The following GRID2IP variants were observed in gnomAD, a reference collection of about 807,000 sequenced individuals.
GRID2IP encodes the protein Grid2 interacting protein.
A neutral mutation model predicts 114.3 loss-of-function variants in GRID2IP; 78 were observed. The observed-to-expected ratio is 0.68, with a 90% CI of 0.57 to 0.82. The LOEUF (loss-of-function observed/expected upper bound fraction) is 0.82, where lower values mean the gene tolerates loss of function less well. Ranked by LOEUF, GRID2IP falls within the 40% of genes least tolerant of loss-of-function variation. The probability of loss-of-function intolerance (pLI) is 0.00; values close to 1 mark genes in which losing one functional copy is unlikely to be tolerated. For missense variants in GRID2IP, 1,727 were observed against 1,678.5 expected, an observed-to-expected ratio of 1.03 and a Z score of -0.51; for synonymous variants, 809 against 724.0, an observed-to-expected ratio of 1.12 and a Z score of -1.89.
chr7:6,537,454 C>T (rs989722245), intron 2 of GRID2IP, among the ~76,000 whole-genome samples: 4 of 143,662 alleles, frequency 2.8e-5, no homozygotes, highest in East Asian at 2.2e-4. Flanking sequence ...CTCAGCTCAC[C>T]GCAACCTCCC....
Position 6,516,113 on chromosome 7 carries a change from A to AAAT in GRID2IP, c.1269-1585_1269-1584insATT, listed in dbSNP as rs1562517279. Among the ~76,000 whole-genome samples the AAAT allele has an allele frequency of 2.1e-4, 22 of 106,260 alleles. No homozygotes were observed. Among genetic ancestry groups the AAAT allele is most frequent in the South Asian group, 3.5e-4 (1 of 2,874 alleles). 69.7% of individuals were successfully genotyped at this position (106,260 alleles called of 152,430 possible). A position where few individuals can be genotyped will look rare whatever the true frequency, so the allele number is the denominator to read the frequency against. Reference sequence around the variant, plus strand: ...CCCCGTCTCAAAATAATAATAATAAAAAATAAATAAATAAATAAATAAAAA... The same window carrying AAAT: ...CCCCGTCTCAAAATAATAATAATAAAAATAAATAAATAAATAAATAAATAAAAA... On this transcript the variant is annotated intron_variant, in intron 7 of 21. Coordinates refer to ENST00000457091, the MANE Select transcript of GRID2IP (RefSeq NM_001145118.2). The surrounding 1 kb of genome is among the most constrained non-coding windows in gnomAD (Gnocchi z 4.3).
chr7:6,521,352 C>A lies in GRID2IP; in HGVS notation c.1084+77G>T. The A allele has an allele frequency of 9.5e-7, 1 of 1,052,776 alleles. No homozygotes were observed. Among genetic ancestry groups the A allele is most frequent in the Non-Finnish European group, 1.4e-6 (1 of 724,830 alleles). The allele number at this position is 1,052,776 out of a possible 1,614,324, so 65.2% of individuals were successfully genotyped here. On this transcript the variant is annotated intron_variant, in intron 6 of 21. Coordinates refer to ENST00000457091, the MANE Select transcript of GRID2IP (RefSeq NM_001145118.2). The surrounding 1 kb of genome is among the most constrained non-coding windows in gnomAD (Gnocchi z 4.1). ...TTTAGGGGAAGAGCTGAGTCCTCCGCACTGTGACTCTCACATATAGCAGCC... is the reference window on the plus strand; with the variant it reads ...TTTAGGGGAAGAGCTGAGTCCTCCGAACTGTGACTCTCACATATAGCAGCC...
chr7:6,537,093 C>T (rs1015984682), intron 2 of GRID2IP, among the ~76,000 whole-genome samples: 2 of 151,994 alleles, frequency 1.3e-5, no homozygotes, highest in Non-Finnish European at 2.9e-5. Flanking sequence ...GAGGGAAACC[C>T]GGCGGGATCC....
rs751872917 is a variant in GRID2IP at position 6,520,691 on chromosome 7, C to T, written c.1155G>A (p.Leu385=). ...TCCCTTGGACCCGGATGCTGGACGG[C>T]AGGATCTCCGCCACCCACTGCAGGG... is the stretch of plus-strand genomic sequence containing the variant. ...LTSLQWVAEI[L]PSSIRVQGRT... is the part of the protein sequence containing the mutation. The change falls in exon 7 of 22, where the codon CTG becomes CTA. Residue 385 remains leucine, a synonymous_variant. Coordinates refer to ENST00000457091, the MANE Select transcript of GRID2IP (RefSeq NM_001145118.2). The surrounding 1 kb of genome is among the most constrained non-coding windows in gnomAD (Gnocchi z 4.6). 7.3e-5 allele frequency: 113 copies of T among 1,551,568 alleles called. No homozygotes were observed. Among genetic ancestry groups the T allele is most frequent in the Middle Eastern group, 3.3e-4 (2 of 6,014 alleles).
At chr7:6,531,793 A>G (rs769732240) in intron 2 of GRID2IP, among the ~76,000 whole-genome samples, 1 of 152,060 alleles carries the variant, frequency 6.6e-6, no homozygotes, top group Non-Finnish European at 1.5e-5. Flanking sequence ...AGGTGGAAGG[A>G]CTCCAAAGGT....
rs1562520502 is a variant in GRID2IP, at chr7:6,526,238, T to C, written c.905A>G (p.Glu302Gly). The change falls in exon 4 of 22, where the codon GAG (glutamate) becomes GGG (glycine). Residue 302 changes from glutamate (E) to glycine (G), a missense_variant. Transcript: ENST00000457091. This position sits in a 1 kb window ranked among gnomAD's most constrained non-coding sequence, Gnocchi z 7.6. ...CCACCCCTCACCAGGCAGGACAGAC[T>C]CGATCCAGACAGGCCCGTGGCCGCG... is the stretch of plus-strand genomic sequence containing the variant. ...TLRGHGPVWI[E>G]SVLPGSPADN... The C allele has an allele frequency of 6.4e-7, 1 of 1,551,796 alleles. No individual in the cohort carries two copies. Among genetic ancestry groups the C allele is most frequent in the Non-Finnish European group, 8.7e-7 (1 of 1,146,984 alleles).
chr7:6,531,390 T>C (rs1218011422), intron 2 of GRID2IP, among the ~76,000 whole-genome samples: 2 of 152,178 alleles, frequency 1.3e-5, no homozygotes, highest in African/African-American at 4.8e-5. Context: ...CTCTCCGTTA[T>C]TCCCTTCCCA....
chr7:6,503,783 G>T, intron 15 of GRID2IP, 96 bp from the exon 16 acceptor site: 1 of 886,554 alleles, frequency 1.1e-6, no homozygotes, highest in Non-Finnish European at 1.6e-6. Context: ...GGAGAGGGCG[G>T]ACACGGGGCG....
In GRID2IP at chr7:6,526,525, G is replaced by C. The variant is rs940292515; in HGVS notation, c.829C>G (p.Arg277Gly). The C allele has an allele frequency of 3.2e-6, 4 of 1,247,806 alleles. No individual in the cohort carries two copies. Among genetic ancestry groups the C allele is most frequent in the Non-Finnish European group, 4.0e-6 (4 of 996,838 alleles). 77.3% of individuals were successfully genotyped at this position (1,247,806 alleles called of 1,614,324 possible). A position where few individuals can be genotyped will look rare whatever the true frequency, so the allele number is the denominator to read the frequency against. Residue 277 changes from arginine to glycine, a missense_variant, in exon 3 of 22, where the codon CGC (arginine) becomes GGC (glycine). Coordinates refer to ENST00000457091, the MANE Select transcript of GRID2IP (RefSeq NM_001145118.2). The surrounding 1 kb of genome is among the most constrained non-coding windows in gnomAD (Gnocchi z 7.6). The stretch of plus-strand genomic sequence containing the variant: ...GTGCCTGTGAGCCCCGCGTACCTGC[G>C]CGCGCCCCCGGGGCCGGCGAGGCCG... ...VGGLAGPGGARRTVRVYKGNK... is the reference protein window; with the variant it reads ...VGGLAGPGGAGRTVRVYKGNK...
At position 6,526,873 on chromosome 7, in the gene GRID2IP, A is replaced by C; in HGVS notation, c.585-104T>G. The C allele has an allele frequency of 7.9e-7, 1 of 1,260,668 alleles. No homozygotes were observed. Among genetic ancestry groups the C allele is most frequent in the Non-Finnish European group, 1.0e-6 (1 of 974,272 alleles). 78.1% of individuals were successfully genotyped at this position (1,260,668 alleles called of 1,614,324 possible). ...CGCGGGCGCCGCCCTAGGCTCTCCC[A>C]CCTCTTCCTAGGAGTGGCGGAGGGC... On this transcript the variant is annotated intron_variant, in intron 2 of 21. Coordinates refer to ENST00000457091, the MANE Select transcript of GRID2IP (RefSeq NM_001145118.2). This position sits in a 1 kb window ranked among gnomAD's most constrained non-coding sequence, Gnocchi z 7.6.
At chr7:6,512,324 A>C (rs1253080363) in intron 8 of GRID2IP, among the ~76,000 whole-genome samples, 1 of 143,092 alleles carries the variant, frequency 7.0e-6, no homozygotes, top group South Asian at 2.2e-4. Flanking sequence ...CAGGCTCAAC[A>C]GATCCTCCTG....
At position 6,510,224 on chromosome 7, in the gene GRID2IP, G is replaced by T. The variant is rs1021221711; in HGVS notation, c.1771+59C>A. On this transcript the variant is annotated intron_variant, in intron 11 of 21. Transcript: ENST00000457091. ...GATGGAGCAGAGAAGCAGCTCCAGG[G>T]CTGAGCCTGGGGTGGAGGGAAACAC... is the stretch of plus-strand genomic sequence containing the variant. 6 of 1,172,762 alleles carry T rather than the reference G, an allele frequency of 5.1e-6. No homozygotes were observed. In the Admixed American group the frequency reaches 9.9e-5, roughly 19 times the overall value. 72.6% of individuals were successfully genotyped at this position (1,172,762 alleles called of 1,614,324 possible).
chr7:6,545,492 G>C (rs1014275889), intron 1 of GRID2IP, among the ~76,000 whole-genome samples: 1 of 152,142 alleles, frequency 6.6e-6, no homozygotes, highest in Non-Finnish European at 1.5e-5. Flanking sequence ...CCGAGAGCTC[G>C]CTCTTGAACT....
At chr7:6,545,696 C>T (rs1407238230) in intron 1 of GRID2IP, among the ~76,000 whole-genome samples, 1 of 152,182 alleles carries the variant, frequency 6.6e-6, no homozygotes, top group Non-Finnish European at 1.5e-5. Context: ...GCTTGTCCAG[C>T]CCCAAGCACA....
chr7:6,508,812 T>A lies in GRID2IP; in HGVS notation c.2127+146A>T, dbSNP rs1786673212. On this transcript the variant is annotated intron_variant, in intron 12 of 21. Coordinates refer to ENST00000457091, the MANE Select transcript of GRID2IP (RefSeq NM_001145118.2). This position sits in a 1 kb window ranked among gnomAD's most constrained non-coding sequence, Gnocchi z 5.6. The stretch of plus-strand genomic sequence containing the variant: ...AGATAGGGTAACCTGGGGCAAGGGG[T>A]GGGATAGCTTGAGCTAGGGAGTGGG... The A allele has an allele frequency of 7.8e-7, 1 of 1,279,444 alleles. No homozygotes were observed. The highest frequency in any genetic ancestry group is 1.5e-5 in the African/African-American group (1 of 66,194). 79.3% of individuals were successfully genotyped at this position (1,279,444 alleles called of 1,614,324 possible).
chr7:6,517,301 C>T (rs1388844238), intron 7 of GRID2IP, among the ~76,000 whole-genome samples: 1 of 151,950 alleles, frequency 6.6e-6, no homozygotes, highest in Non-Finnish European at 1.5e-5. Flanking sequence ...TCGTGATCTG[C>T]CCATCTCAGC....
chr7:6,531,565 G>A (rs558126781), intron 2 of GRID2IP, among the ~76,000 whole-genome samples: 1 of 152,240 alleles, frequency 6.6e-6, no homozygotes, highest in Non-Finnish European at 1.5e-5. Flanking sequence ...GGAGTCGGCC[G>A]GCTAGAAGAA....
rs1779728841 is a variant in GRID2IP, at chr7:6,536,655, C to A, written c.584+3063G>T. Reference sequence around the variant, plus strand: ...GGGGGACAGCTGGGCCGCCTGCGCCCCGCTGGCCCATCCCTGGTGGGGAGG... The same window carrying A: ...GGGGGACAGCTGGGCCGCCTGCGCCACGCTGGCCCATCCCTGGTGGGGAGG... On this transcript the variant is annotated intron_variant, in intron 2 of 21. Transcript: ENST00000457091. The surrounding 1 kb of genome is among the most constrained non-coding windows in gnomAD (Gnocchi z 5.3). Among the ~76,000 whole-genome samples, 2 of 152,110 alleles carry A rather than the reference C, an allele frequency of 1.3e-5. No individual in the cohort carries two copies.
rs766329753 is a variant in GRID2IP at position 6,534,594 on chromosome 7, G to A, written c.584+5124C>T. Among the ~76,000 whole-genome samples the A allele has an allele frequency of 2.6e-5, 4 of 152,198 alleles. No individual in the cohort carries two copies. The highest frequency in any genetic ancestry group is 4.8e-5 in the African/African-American group (2 of 41,448). ...GTGACGATGGACAAGGTCTACATCC[G>A]CCTGGTCCTGTACGGTAGCCGCTAG... On this transcript the variant is annotated intron_variant, in intron 2 of 21. Transcript: ENST00000457091. This position sits in a 1 kb window ranked among gnomAD's most constrained non-coding sequence, Gnocchi z 4.5.
Sources: gnomAD v4.1 joint callset for allele counts (sites outside exome capture counted in the v4.1 genomes callset) on GRCh38, gnomAD v4.1.1 for gene constraint, Gnocchi (gnomAD v3.1) non-coding constraint, MANE v1.5 for transcripts, NCBI Gene and HGNC (gene_info 2026-07-23, HGNC 2026-07-21) for gene names.